LRRC4C: variants seen among roughly 807,000 people sequenced by gnomAD.
LRRC4C encodes the protein leucine-rich repeat-containing protein 4C.
Under a neutral mutation model 33.6 loss-of-function variants are expected in LRRC4C, and 5 were observed. That is an observed-to-expected ratio of 0.15 (90% confidence interval 0.08 to 0.31). LRRC4C has a LOEUF of 0.31. Ranked by LOEUF, LRRC4C falls within the 10% of genes least tolerant of loss-of-function variation. LRRC4C has a pLI of 1.00. For synonymous variants in LRRC4C, 329 were observed against 302.0 expected, an observed-to-expected ratio of 1.09 and a Z score of -0.93; for missense variants, 560 against 796.7, an observed-to-expected ratio of 0.70 and a Z score of 3.58.
At chr11:40,840,984 G>A (rs1952887813) in intron 2 of LRRC4C, among the ~76,000 whole-genome samples, 1 of 152,012 alleles carries the variant, frequency 6.6e-6, no homozygotes, top group Non-Finnish European at 1.5e-5. Flanking sequence ...CACTTTTACA[G>A]GAAGAAACAT....
rs555693562 is a variant in LRRC4C at position 41,048,403 on chromosome 11, T to C, written c.-495-114680A>G. ...CCTCAGCCTCCTGAGTAGCTGGGATTGCAGGCACGCACTACCATGCCCAGC... is the reference window on the plus strand; with the variant it reads ...CCTCAGCCTCCTGAGTAGCTGGGATCGCAGGCACGCACTACCATGCCCAGC... On this transcript the variant is annotated intron_variant, in intron 1 of 6. Coordinates refer to ENST00000528697, the MANE Select transcript of LRRC4C (RefSeq NM_001258419.2). 1.2e-3 allele frequency among the ~76,000 whole-genome samples: 186 copies of C among 152,024 alleles called. 2 individuals carry two copies. Among genetic ancestry groups the C allele is most frequent in the Non-Finnish European group, 2.3e-3 (154 of 67,972 alleles).
chr11:41,255,421 A>C (rs1223792111), intron 1 of LRRC4C, among the ~76,000 whole-genome samples: 3 of 152,038 alleles, frequency 2.0e-5, no homozygotes, highest in African/African-American at 7.2e-5. Flanking sequence ...CCCCAGAGGA[A>C]AACCAACTGA....
In LRRC4C at chr11:41,344,926, G is replaced by A. The variant is rs528749008; in HGVS notation, c.-496+114505C>T. Among the ~76,000 whole-genome samples the A allele has an allele frequency of 2.6e-4, 40 of 152,284 alleles. No individual in the cohort carries two copies. In the East Asian group the frequency reaches 5.2e-3, roughly 20 times the overall value. On this transcript the variant is annotated intron_variant, in intron 1 of 6. Transcript: ENST00000528697. ...CAATTAACTGCTGCCTCTGATAGTCGTTGCATTGGAAGTTTTGCAGCAACT... is the reference window on the plus strand; with the variant it reads ...CAATTAACTGCTGCCTCTGATAGTCATTGCATTGGAAGTTTTGCAGCAACT...
chr11:40,570,552 A>G (rs1957943467), intron 3 of LRRC4C, among the ~76,000 whole-genome samples: 1 of 152,194 alleles, frequency 6.6e-6, no homozygotes, highest in Admixed American at 6.5e-5. Flanking sequence ...ATAACCCATA[A>G]TACTACTACC....
At chr11:41,138,838 A>G (rs1330188225) in intron 1 of LRRC4C, among the ~76,000 whole-genome samples, 2 of 152,226 alleles carry the variant, frequency 1.3e-5, no homozygotes, top group African/African-American at 4.8e-5. Context: ...CATTATAAGA[A>G]TACTATTTCC....
intron 1 of LRRC4C, among the ~76,000 whole-genome samples, chr11:40,935,840 T>C (rs561048549): frequency 1.3e-5 from 2 of 151,314 alleles, no homozygotes; most frequent in Admixed American, 6.6e-5. Flanking sequence ...ATCTAGGTTC[T>C]ACTTCCTGTT....
At chr11:40,798,816 G>A (rs1950932299) in intron 2 of LRRC4C, among the ~76,000 whole-genome samples, 1 of 151,706 alleles carries the variant, frequency 6.6e-6, no homozygotes. Context: ...GCTAGTTTTT[G>A]CATTTTTAAT....
Position 40,632,960 on chromosome 11 carries a change from G to T in LRRC4C, c.-270+15182C>A, listed in dbSNP as rs574622422. ...GGGAATTTGTTTTAATCCAAACTCA[G>T]CTCCTTCTTCCCTAATTAAAATGTA... On this transcript the variant is annotated intron_variant, in intron 3 of 6. Transcript: ENST00000528697. Among the ~76,000 whole-genome samples the T allele has an allele frequency of 9.1e-4, 138 of 152,306 alleles. 1 individual carries two copies. In the Middle Eastern group the frequency reaches 0.014, roughly 15 times the overall value.
intron 1 of LRRC4C, among the ~76,000 whole-genome samples, chr11:41,059,009 G>A (rs1219393728): frequency 1.3e-5 from 2 of 152,060 alleles, no homozygotes; most frequent in Non-Finnish European, 2.9e-5. Flanking sequence ...AACAATGAGT[G>A]CATATGGACA....
At chr11:40,345,863 A>C (rs1206058099) in intron 3 of LRRC4C, among the ~76,000 whole-genome samples, 3 of 138,476 alleles carry the variant, frequency 2.2e-5, no homozygotes, top group Admixed American at 7.6e-5. Flanking sequence ...GGAAAAACCA[A>C]ACAACACCAT....
At chr11:41,234,187 T>A (rs1947922907) in intron 1 of LRRC4C, among the ~76,000 whole-genome samples, 1 of 152,014 alleles carries the variant, frequency 6.6e-6, no homozygotes, top group Admixed American at 6.6e-5. Flanking sequence ...CATTTCCAAG[T>A]CTGTTCAGTG....
At chr11:40,229,334 G>A (rs1458809666) in intron 5 of LRRC4C, among the ~76,000 whole-genome samples, 1 of 151,868 alleles carries the variant, frequency 6.6e-6, no homozygotes, top group African/African-American at 2.4e-5. Flanking sequence ...GTGCAGTAGC[G>A]TGATCTCAGC....
chr11:41,319,982 G>C (rs1256783952), intron 1 of LRRC4C, among the ~76,000 whole-genome samples: 1 of 152,018 alleles, frequency 6.6e-6, no homozygotes, highest in Non-Finnish European at 1.5e-5. Flanking sequence ...CAAATGTCAA[G>C]AGTAAAATCA....
At chr11:40,172,659 T>C (rs1373470264) in intron 5 of LRRC4C, among the ~76,000 whole-genome samples, 1 of 152,052 alleles carries the variant, frequency 6.6e-6, no homozygotes, top group African/African-American at 2.4e-5. Context: ...ACCTGTCTCC[T>C]AGTTATTCAA....
chr11:41,141,300 C>A (rs1321580707), intron 1 of LRRC4C, among the ~76,000 whole-genome samples: 1 of 152,026 alleles, frequency 6.6e-6, no homozygotes, highest in Non-Finnish European at 1.5e-5. Context: ...CTGCTAGCAA[C>A]ACCTCTGCCC....
At chr11:40,559,901 A>C (rs1957481343) in intron 3 of LRRC4C, among the ~76,000 whole-genome samples, 1 of 152,158 alleles carries the variant, frequency 6.6e-6, no homozygotes, top group Admixed American at 6.5e-5. Context: ...GACAAAAATA[A>C]ATAAACACAT....
chr11:41,154,011 G>A (rs117939345), intron 1 of LRRC4C, among the ~76,000 whole-genome samples: 17 of 152,276 alleles, frequency 1.1e-4, no homozygotes, highest in African/African-American at 2.6e-4. Flanking sequence ...GAAGATGCAC[G>A]CTGTAAGGAA....
chr11:41,048,696 AT>A (rs1358918050), intron 1 of LRRC4C, among the ~76,000 whole-genome samples: 3 of 152,270 alleles, frequency 2.0e-5, no homozygotes, highest in African/African-American at 4.8e-5. Flanking sequence ...TCCAAGTATT[AT>A]TTTGTTCTAG....
chr11:41,312,848 C>T (rs1000784152), intron 1 of LRRC4C, among the ~76,000 whole-genome samples: 1 of 152,156 alleles, frequency 6.6e-6, no homozygotes, highest in Non-Finnish European at 1.5e-5. Context: ...ATGTATATTT[C>T]TCAAGGAAAA....
Sources: gnomAD v4.1 joint callset for allele counts (sites outside exome capture counted in the v4.1 genomes callset) on GRCh38, gnomAD v4.1.1 for gene constraint, MANE v1.5 for transcripts, NCBI Gene and HGNC (gene_info 2026-07-23, HGNC 2026-07-21) for gene names.